The following AP1M2 variants were observed in gnomAD, a reference collection of about 807,000 sequenced individuals.
AP1M2 encodes the protein AP-1 complex subunit mu-2.
AP1M2 carries 41 observed loss-of-function variants against 54.6 expected under a neutral mutation model. That is an observed-to-expected ratio of 0.75 (90% CI 0.59 to 0.97). AP1M2 has a LOEUF of 0.97. Ranked by LOEUF, AP1M2 falls within the 50% of genes least tolerant of loss-of-function variation. The pLI, the probability that AP1M2 is intolerant of heterozygous loss-of-function variation, is 0.00. For missense variants in AP1M2, 507 were observed against 561.2 expected, an observed-to-expected ratio of 0.90 and a Z score of 0.98; for synonymous variants, 219 against 215.9, an observed-to-expected ratio of 1.01 and a Z score of -0.13.
At chr19:10,585,331 GAAAGAAAGAA>G (rs1568434882) in intron 1 of AP1M2, among the ~76,000 whole-genome samples, 1 of 151,020 alleles carries the variant, frequency 6.6e-6, no homozygotes, top group Admixed American at 6.6e-5. Context: ...AAGAAAGAAA[GAAAGAAAGAA>G]AGAAAGAAAG....
intron 9 of AP1M2, among the ~76,000 whole-genome samples, chr19:10,576,938 C>T (rs1599547979): frequency 6.6e-6 from 1 of 152,118 alleles, no homozygotes; most frequent in South Asian, 2.1e-4. Context: ...GGATTTCAGG[C>T]GTGAGCCACT....
Position 10,581,821 on chromosome 19 carries a change from T to C in AP1M2, c.325A>G (p.Ile109Val). ...EEESIRDNFVIVYELLDELMD... is the reference protein window; with the variant it reads ...EEESIRDNFVVVYELLDELMD... Reference sequence around the variant, plus strand: ...AGCTCGTCCAGCAACTCGTAGACGATGACAAAGTTGTCCCGGATGCTCTCC... The same window carrying C: ...AGCTCGTCCAGCAACTCGTAGACGACGACAAAGTTGTCCCGGATGCTCTCC... The change falls in exon 4 of 12, where the codon ATC becomes GTC. Residue 109 changes from isoleucine (I) to valine (V), a missense_variant. Coordinates refer to ENST00000250244, the MANE Select transcript of AP1M2 (RefSeq NM_005498.5). 6.2e-7 allele frequency: 1 copy of C among 1,614,002 alleles called. No individual in the cohort carries two copies. Among genetic ancestry groups the C allele is most frequent in the Non-Finnish European group, 8.5e-7 (1 of 1,179,994 alleles).
intron 9 of AP1M2, among the ~76,000 whole-genome samples, chr19:10,575,757 T>C (rs1198615186): frequency 1.6e-5 from 2 of 128,914 alleles, no homozygotes; most frequent in Non-Finnish European, 3.2e-5. Flanking sequence ...TTCTTTTTTT[T>C]TCTTTTTTTT....
intron 2 of AP1M2, 101 bp downstream of exon 2, chr19:10,583,813 G>A (rs1283157740): frequency 1.2e-5 from 18 of 1,493,994 alleles, no homozygotes; most frequent in Admixed American, 2.0e-5. Context: ...AGAGATGTGC[G>A]GTGCAACTCC....
intron 9 of AP1M2, among the ~76,000 whole-genome samples, chr19:10,575,329 G>A (rs1199076515): frequency 6.6e-6 from 1 of 152,060 alleles, no homozygotes; most frequent in Non-Finnish European, 1.5e-5. Flanking sequence ...CCCAACCTGG[G>A]TGACAGAGAC....
rs756095587 is a variant in AP1M2, at chr19:10,577,253, C to T, written c.992G>A (p.Ser331Asn). ...DSPRFKTSVG[S>N]AKYVPERNVV... ...GTTTCTCTCCGGCACATACTTGGCG[C>T]TGCCCACACTGGTCTTGAATCTGGG... is the stretch of plus-strand genomic sequence containing the variant. The change falls in exon 9 of 12, where the codon AGC (serine) becomes AAC (asparagine). Residue 331 changes from serine (S) to asparagine (N), a missense_variant. By Grantham distance (46) the Ser-to-Asn change is conservative (BLOSUM62 1). Transcript: ENST00000250244. The T allele has an allele frequency of 6.2e-7, 1 of 1,613,384 alleles. No individual in the cohort carries two copies.
chr19:10,582,979 C>G (rs557350541), intron 3 of AP1M2, among the ~76,000 whole-genome samples: 2 of 151,630 alleles, frequency 1.3e-5, no homozygotes, highest in African/African-American at 4.8e-5. Flanking sequence ...GCAGGTGCCA[C>G]CATACCCGGC....
intron 8 of AP1M2, 117 bp from the exon 9 acceptor site, chr19:10,577,473 G>C: frequency 1.8e-6 from 2 of 1,104,040 alleles, no homozygotes; most frequent in South Asian, 1.7e-5. Flanking sequence ...TCACTCTGTC[G>C]CCCAGGCTGG....
rs370137945 is a variant in AP1M2, at chr19:10,583,646, T to C, written c.227A>G (p.Asn76Ser). ...CAGGAAGGAGTACACCAGGGAGGCA[T>C]TGGCATTCTTCGATGTGGTGGCCAC... ...YLVATTSKNA[N>S]ASLVYSFLYK... The change falls in exon 3 of 12, where the codon AAT (asparagine) becomes AGT (serine). Residue 76 changes from asparagine (N) to serine (S), a missense_variant. Transcript: ENST00000250244. 114 of 1,613,428 alleles carry C rather than the reference T, an allele frequency of 7.1e-5. 1 individual carries two copies. In the South Asian group the frequency reaches 1.1e-3, roughly 16 times the overall value.
In AP1M2 at chr19:10,572,900, G is replaced by A. The variant is rs1917103274; in HGVS notation, c.*166C>T. 2 of 609,042 alleles carry A rather than the reference G, an allele frequency of 3.3e-6. No individual in the cohort carries two copies. Among genetic ancestry groups the A allele is most frequent in the African/African-American group, 3.7e-5 (2 of 53,802 alleles). 37.7% of individuals were successfully genotyped at this position (609,042 alleles called of 1,614,324 possible). On this transcript the variant is annotated 3_prime_UTR_variant, in exon 12 of 12. Transcript: ENST00000250244. ...AGAGAGAGTTTCTCTCCCAGCCTAT[G>A]GAATAAGGAAGAGGTGAGGAAGGGG... is the stretch of plus-strand genomic sequence containing the variant.
chr19:10,577,419 AG>A, intron 8 of AP1M2, 63 bp from the exon 9 acceptor site: 7 of 457,904 alleles, frequency 1.5e-5, no homozygotes, highest in Non-Finnish European at 2.4e-5. Context: ...ATATTTACCA[AG>A]CCCTTTTTTT....
At position 10,577,184 on chromosome 19, in the gene AP1M2, T is replaced by C. The variant is rs748839346; in HGVS notation, c.1047+14A>G. The C allele has an allele frequency of 2.2e-5, 36 of 1,605,768 alleles. 1 individual carries two copies. In the South Asian group the frequency reaches 4.0e-4, roughly 18 times the overall value. The stretch of plus-strand genomic sequence containing the variant: ...CCTCCACCCCCAGATCCCCCGCCAG[T>C]CCCTGGTACTTACCGGGAAAGACTT... On this transcript the variant is annotated intron_variant, in intron 9 of 11. Coordinates refer to ENST00000250244, the MANE Select transcript of AP1M2 (RefSeq NM_005498.5).
chr19:10,573,635 T>C (rs1226606906), intron 11 of AP1M2, among the ~76,000 whole-genome samples: 1 of 150,262 alleles, frequency 6.7e-6, no homozygotes, highest in Non-Finnish European at 1.5e-5. Flanking sequence ...GAACTGACGC[T>C]GACAACTGTC....
Position 10,572,765 on chromosome 19 carries a change from G to C in AP1M2, c.*301C>G. On this transcript the variant is annotated 3_prime_UTR_variant, in exon 12 of 12. Transcript: ENST00000250244. ...TGTGAAGGAGGGACCCGCAACACCCGCTAAGGCAGGTAATTGCAAGAAGGC... is the reference window on the plus strand; with the variant it reads ...TGTGAAGGAGGGACCCGCAACACCCCCTAAGGCAGGTAATTGCAAGAAGGC... 1 of 337,216 alleles carries C rather than the reference G, an allele frequency of 3.0e-6. No homozygotes were observed. The highest frequency in any genetic ancestry group is 5.6e-6 in the Non-Finnish European group (1 of 180,180). The allele number at this position is 337,216 out of a possible 1,614,324, so 20.9% of individuals were successfully genotyped here.
chr19:10,579,803 C>T lies in AP1M2; in HGVS notation c.729G>A (p.Arg243=). 3.7e-6 allele frequency: 6 copies of T among 1,613,416 alleles called. No individual in the cohort carries two copies. Among genetic ancestry groups the T allele is most frequent in the South Asian group, 1.1e-5 (1 of 90,960 alleles). The part of the protein sequence containing the change: ...LEDVKFHQCV[R]LSRFDNDRTI... ...TGCGGTCGTTGTCAAAGCGAGAGAG[C>T]CGCACGCACTGGTGGAATTTTACAT... is the stretch of plus-strand genomic sequence containing the variant. The change falls in exon 7 of 12, where the codon CGG becomes CGA. Residue 243 remains arginine (R), a synonymous_variant. Coordinates refer to ENST00000250244, the MANE Select transcript of AP1M2 (RefSeq NM_005498.5).
At chr19:10,574,393 T>A in intron 11 of AP1M2, 24 bp downstream of exon 11, 3 of 1,533,690 alleles carry the variant, frequency 2.0e-6, no homozygotes, top group Non-Finnish European at 2.6e-6. Context: ...CACCCCATTG[T>A]CCCCAGGAGC....
At chr19:10,581,205 G>A (rs890186918) in intron 6 of AP1M2, 61 bp downstream of exon 6, 44 of 1,548,974 alleles carry the variant, frequency 2.8e-5, no homozygotes, top group East Asian at 4.5e-5. Flanking sequence ...AAGTCCCCAC[G>A]TGGGGCGGGT....
chr19:10,580,422 G>T (rs1599551013), intron 6 of AP1M2, among the ~76,000 whole-genome samples: 1 of 152,070 alleles, frequency 6.6e-6, no homozygotes, highest in South Asian at 2.1e-4. Context: ...CGAACTATGG[G>T]AGGCTGAGAT....
In AP1M2 at chr19:10,579,743, C is replaced by T. The variant is rs1373601128; in HGVS notation, c.789G>A (p.Glu263=). 1 of 1,613,860 alleles carries T rather than the reference C, an allele frequency of 6.2e-7. No individual in the cohort carries two copies. Among genetic ancestry groups the T allele is most frequent in the Admixed American group, 1.7e-5 (1 of 60,002 alleles). ...GGGTGCTGAGGCGGTATGACATGAG[C>T]TCAAAGTCACCATCAGGCGGGATGA... is the stretch of plus-strand genomic sequence containing the variant. The part of the protein sequence containing the change: ...ISFIPPDGDF[E]LMSYRLSTQV... Residue 263 remains glutamate (E), a synonymous_variant, in exon 7 of 12, where the codon GAG becomes GAA. Transcript: ENST00000250244.
Sources: allele counts gnomAD v4.1 joint callset (sites outside exome capture counted in the v4.1 genomes callset), GRCh38; gene constraint gnomAD v4.1.1; transcripts MANE v1.5; gene names NCBI Gene and HGNC (gene_info 2026-07-23, HGNC 2026-07-21).